BTG4: variants seen among roughly 807,000 people sequenced by gnomAD.
BTG4 encodes the protein BTG anti-proliferation factor 4, also known as protein BTG4.
A neutral mutation model predicts 19.3 loss-of-function variants in BTG4; 10 were observed. The observed-to-expected ratio is 0.52, with a 90% CI of 0.32 to 0.88. BTG4 has a LOEUF of 0.88. Ranked by LOEUF, BTG4 falls within the 40% of genes least tolerant of loss-of-function variation. The pLI, the probability that BTG4 is intolerant of heterozygous loss-of-function variation, is 0.04. For synonymous variants in BTG4, 91 were observed against 95.7 expected (o/e 0.95, Z 0.29); for missense variants, 238 against 281.9 (o/e 0.84, Z 1.11).
intron 5 of BTG4, among the ~76,000 whole-genome samples, chr11:111,482,192 T>C (rs1039592827): frequency 6.6e-6 from 1 of 151,948 alleles, no homozygotes; most frequent in Non-Finnish European, 1.5e-5. Context: ...AATGAACATA[T>C]GGATACTGAA....
At chr11:111,422,672 G>A in the BTG4 span, among the ~76,000 whole-genome samples, 1 of 152,158 alleles carries the variant, frequency 6.6e-6, no homozygotes, top group Non-Finnish European at 1.5e-5. Flanking sequence ...TGTGCCTCAG[G>A]TGCAGAGGAT....
chr11:111,498,755 T>C lies in BTG4; in HGVS notation c.22A>G (p.Thr8Ala), dbSNP rs1165861337. The change falls in exon 2 of 5, where the codon ACA (threonine) becomes GCA (alanine). Residue 8 changes from threonine to alanine, a missense_variant. Physicochemically the swap from Thr to Ala is moderately conservative, Grantham distance 58 (BLOSUM62 0). Coordinates refer to ENST00000692032, the MANE Select transcript of BTG4 (RefSeq NM_001367975.1). ...ACCAATCTTGTGACAAAGAAAACTG[T>C]TGTTGCAATTTCATCTCTCATGATT... MRDEIAT[T>A]VFFVTRLVKK... 1 of 1,611,300 alleles carries C rather than the reference T, an allele frequency of 6.2e-7. No homozygotes were observed. Among genetic ancestry groups the C allele is most frequent in the African/African-American group, 1.3e-5 (1 of 74,794 alleles).
chr11:111,425,993 T>C, the BTG4 span, among the ~76,000 whole-genome samples: 1 of 152,104 alleles, frequency 6.6e-6, no homozygotes, highest in Non-Finnish European at 1.5e-5. Context: ...ATTGCGCCAC[T>C]GCACTGCAGC....
chr11:111,509,890 TTTTTTTC>T (rs1336096720), intron 1 of BTG4, among the ~76,000 whole-genome samples: 2,561 of 149,260 alleles, frequency 0.017, 38 homozygotes, highest in Middle Eastern at 0.041. Flanking sequence ...TCTCCATCTT[TTTTTTTC>T]TTTTTTCTTT....
upstream of BTG4, chr11:111,513,333 A>C: frequency 1.9e-6 from 1 of 513,640 alleles, no homozygotes; most frequent in Non-Finnish European, 4.0e-6. Flanking sequence ...CGTCTAGTAG[A>C]GTATTCACCA....
At chr11:111,508,315 G>A in intron 1 of BTG4, among the ~76,000 whole-genome samples, 1 of 150,316 alleles carries the variant, frequency 6.7e-6, no homozygotes, top group East Asian at 1.9e-4. Flanking sequence ...ACAACACATT[G>A]TATACATCTG....
chr11:111,441,623 C>T, the BTG4 span, among the ~76,000 whole-genome samples: 1,372 of 152,322 alleles, frequency 9.0e-3, 26 homozygotes, highest in African/African-American at 0.03. Flanking sequence ...CTATAAACTC[C>T]GTGACTGTGC....
At position 111,507,073 on chromosome 11, in the gene BTG4, TA is replaced by T. The variant is rs546980206; in HGVS notation, c.-27+5107del. Reference sequence around the variant, plus strand: ...TTAACTAAATATAAGTTTCCCACTTTAAAAAAAAAAAGCTTAAGTGCCAAAT... The same window carrying T: ...TTAACTAAATATAAGTTTCCCACTTTAAAAAAAAAAGCTTAAGTGCCAAAT... On this transcript the variant is annotated intron_variant, in intron 1 of 4. Coordinates refer to ENST00000692032, the MANE Select transcript of BTG4 (RefSeq NM_001367975.1). Among the ~76,000 whole-genome samples the T allele has an allele frequency of 1.0e-3, 145 of 144,078 alleles. 1 individual carries two copies. In the South Asian group the frequency reaches 0.018, roughly 18 times the overall value. 94.5% of individuals were successfully genotyped at this position (144,078 alleles called of 152,430 possible).
chr11:111,513,078 C>T (rs1292595912), upstream of BTG4: 9 of 441,552 alleles, frequency 2.0e-5, no homozygotes, highest in Non-Finnish European at 4.4e-5. Flanking sequence ...CCGCAGCCTT[C>T]GAGAGAAGAT....
intron 5 of BTG4, among the ~76,000 whole-genome samples, chr11:111,476,380 A>G (rs142777227): frequency 6.4e-4 from 97 of 152,280 alleles, no homozygotes; most frequent in Middle Eastern, 3.4e-3. Flanking sequence ...TTAGCTGTCA[A>G]TCCAACTGAT....
downstream of BTG4, among the ~76,000 whole-genome samples, chr11:111,492,436 C>T (rs11213927): frequency 0.039 from 5,908 of 152,240 alleles, 123 homozygotes; most frequent in Middle Eastern, 0.068. Flanking sequence ...CAGATTTTTA[C>T]AGCGATTAGT....
chr11:111,427,287 G>A, the BTG4 span, among the ~76,000 whole-genome samples: 1 of 152,136 alleles, frequency 6.6e-6, no homozygotes, highest in Non-Finnish European at 1.5e-5. Flanking sequence ...CCACATCACA[G>A]ACCTCTCTGA....
the BTG4 span, chr11:111,453,316 G>A: frequency 2.0e-5 from 7 of 358,314 alleles, no homozygotes; most frequent in East Asian, 1.5e-4. Flanking sequence ...TAACCACGGT[G>A]AAGTGCGACC....
At chr11:111,424,361 G>A in the BTG4 span, among the ~76,000 whole-genome samples, 1 of 152,216 alleles carries the variant, frequency 6.6e-6, no homozygotes, top group Admixed American at 6.5e-5. Context: ...GGAGTCAAGA[G>A]GAACACCATG....
At chr11:111,407,726 G>A in the BTG4 span, among the ~76,000 whole-genome samples, 14 of 152,226 alleles carry the variant, frequency 9.2e-5, no homozygotes, top group Admixed American at 8.5e-4. Context: ...CAGCTCATAA[G>A]CATTATTTAA....
chr11:111,455,232 C>A, the BTG4 span: 2 of 356,816 alleles, frequency 5.6e-6, no homozygotes, highest in Non-Finnish European at 1.1e-5. Context: ...CAGTTCCCAC[C>A]ATCTCTGGGA....
At chr11:111,461,719 T>C in the BTG4 span, among the ~76,000 whole-genome samples, 10 of 152,176 alleles carry the variant, frequency 6.6e-5, no homozygotes, top group South Asian at 6.2e-4. Flanking sequence ...GTCTCAAAAA[T>C]AAATAAATTA....
At chr11:111,457,187 G>C in the BTG4 span, 82 of 153,084 alleles carry the variant, frequency 5.4e-4, no homozygotes, top group South Asian at 2.1e-3. Flanking sequence ...TCCCCGCTGG[G>C]GGCTCTCATG....
chr11:111,448,356 G>C, the BTG4 span: 2 of 152,494 alleles, frequency 1.3e-5, no homozygotes, highest in Non-Finnish European at 2.9e-5. Context: ...AGCACTGTCA[G>C]GGGTCCACTT....
Sources: allele counts gnomAD v4.1 joint callset (sites outside exome capture counted in the v4.1 genomes callset), GRCh38; gene constraint gnomAD v4.1.1; transcripts MANE v1.5; gene names NCBI Gene and HGNC (gene_info 2026-07-23, HGNC 2026-07-21).